Variants in PALMD observed in about 807,000 individuals in gnomAD.
PALMD encodes the protein paralemmin-like protein.
A neutral mutation model predicts 56.2 loss-of-function variants in PALMD; 42 were observed. The observed-to-expected ratio is 0.75, with a 90% CI of 0.58 to 0.97. The LOEUF is 0.97. PALMD is among the 50% of genes least tolerant of loss of function. The pLI is 0.00. For missense variants in PALMD, 660 were observed against 643.8 expected (o/e 1.03, Z -0.27); for synonymous variants, 242 against 222.9 (o/e 1.09, Z -0.76).
chr1:99,666,156 T>C (rs1409241421), intron 2 of PALMD, among the ~76,000 whole-genome samples: 1 of 152,136 alleles, frequency 6.6e-6, no homozygotes, highest in South Asian at 2.1e-4. Context: ...ACTTCTTCAA[T>C]TAGAGCAGTC....
Position 99,687,196 on chromosome 1 carries a change from G to A in PALMD, c.514+7G>A. On this transcript the variant is annotated splice_region_variant and intron_variant, in intron 6 of 7. Coordinates refer to ENST00000263174, the MANE Select transcript of PALMD (RefSeq NM_017734.5). ...GATGAACAAAATAGGAAAGGTATATGAGAAATCTGTGTTGAAGGGCATGTT... is the reference window on the plus strand; with the variant it reads ...GATGAACAAAATAGGAAAGGTATATAAGAAATCTGTGTTGAAGGGCATGTT... The A allele has an allele frequency of 6.3e-7, 1 of 1,592,454 alleles. No individual in the cohort carries two copies. The highest frequency in any genetic ancestry group is 8.5e-7 in the Non-Finnish European group (1 of 1,170,974).
chr1:99,682,629 A>T (rs1277640754), intron 3 of PALMD, among the ~76,000 whole-genome samples: 1 of 152,080 alleles, frequency 6.6e-6, no homozygotes, highest in Non-Finnish European at 1.5e-5. Flanking sequence ...ACACCAGTGC[A>T]TTTCAAAATT....
At chr1:99,688,675 C>T (rs1487032977) in intron 6 of PALMD, 100 bp from the exon 7 acceptor site, 3 of 740,290 alleles carry the variant, frequency 4.1e-6, no homozygotes, top group East Asian at 5.1e-5. Flanking sequence ...CATACAAGAA[C>T]ATGAAGGGTC....
chr1:99,676,269 T>C (rs755995367), intron 3 of PALMD, among the ~76,000 whole-genome samples: 1 of 152,186 alleles, frequency 6.6e-6, no homozygotes, highest in Non-Finnish European at 1.5e-5. Flanking sequence ...CCTTTGACAA[T>C]GGCTGGTTCT....
intron 2 of PALMD, among the ~76,000 whole-genome samples, chr1:99,666,915 T>C (rs890357591): frequency 1.2e-4 from 19 of 152,324 alleles, no homozygotes; most frequent in African/African-American, 2.2e-4. Flanking sequence ...TTTTTCCATC[T>C]GGTGAAATGT....
In PALMD at chr1:99,689,838, A is replaced by T; in HGVS notation, c.1578A>T (p.Thr526=). 1 of 1,611,896 alleles carries T rather than the reference A, an allele frequency of 6.2e-7. No homozygotes were observed. The change falls in exon 7 of 8, where the codon ACA becomes ACT. Residue 526 remains threonine (T), a synonymous_variant. Coordinates refer to ENST00000263174, the MANE Select transcript of PALMD (RefSeq NM_017734.5). ...ACCATTCCCCATTTGATGCTCAGAC[A>T]ACTGGAGATGGGACTGAGGATCCAT... ...PVHHSPFDAQ[T]TGDGTEDPSL...
At chr1:99,647,178 T>A (rs1652460183) in intron 1 of PALMD, among the ~76,000 whole-genome samples, 1 of 152,220 alleles carries the variant, frequency 6.6e-6, no homozygotes, top group Non-Finnish European at 1.5e-5. Context: ...CAATCATTTA[T>A]CCCTAGCTAT....
intron 1 of PALMD, among the ~76,000 whole-genome samples, chr1:99,656,854 T>C (rs1193355115): frequency 1.3e-5 from 2 of 152,200 alleles, no homozygotes; most frequent in African/African-American, 4.8e-5. Flanking sequence ...AAATGAAGCA[T>C]TTGGACCGTA....
chr1:99,692,734 G>C (rs891554018), intron 7 of PALMD, among the ~76,000 whole-genome samples: 10 of 152,180 alleles, frequency 6.6e-5, no homozygotes, highest in Non-Finnish European at 1.3e-4. Context: ...GTTGGTAGGG[G>C]CAAGATAGAG....
At chr1:99,661,936 A>AGGGTG in intron 1 of PALMD, among the ~76,000 whole-genome samples, 1 of 152,258 alleles carries the variant, frequency 6.6e-6, no homozygotes, top group Non-Finnish European at 1.5e-5. Context: ...AGGCTTCTTC[A>AGGGTG]ACCTTGGACC....
In PALMD at chr1:99,689,766, T is replaced by C. The variant is rs149209360; in HGVS notation, c.1506T>C (p.Asn502=). ...CAAATCATAAATCCCCCCACAAAAA[T>C]TCCATATCTCTGAAAGAGCAAGAAG... ...ENTNHKSPHK[N]SISLKEQEES... is the part of the protein sequence containing the mutation. Residue 502 remains asparagine, a synonymous_variant, in exon 7 of 8, where the codon AAT becomes AAC. Coordinates refer to ENST00000263174, the MANE Select transcript of PALMD (RefSeq NM_017734.5). 1,441 of 1,613,780 alleles carry C rather than the reference T, an allele frequency of 8.9e-4. 7 individuals carry two copies. The African/African-American group carries it at 0.014, about 16-fold the overall frequency.
chr1:99,682,232 TGGAAATTTTA>T (rs992016045), intron 3 of PALMD, among the ~76,000 whole-genome samples: 1 of 152,240 alleles, frequency 6.6e-6, no homozygotes, highest in Non-Finnish European at 1.5e-5. Context: ...TGCATTGAAG[TGGAAATTTTA>T]GGAAATGTTC....
At chr1:99,667,490 GA>G in intron 2 of PALMD, 151 bp from the exon 3 acceptor site, 1 of 698,586 alleles carries the variant, frequency 1.4e-6, no homozygotes, top group Non-Finnish European at 2.5e-6. Flanking sequence ...TACAATGAAA[GA>G]AAATACCAGA....
At chr1:99,686,432 T>TAG (rs1653497298) in intron 3 of PALMD, 2 of 271,112 alleles carry the variant, frequency 7.4e-6, no homozygotes, top group Admixed American at 1.0e-4. Flanking sequence ...GTCAAATGCT[T>TAG]TACCTAATAT....
chr1:99,689,476 G>T lies in PALMD; in HGVS notation c.1216G>T (p.Asp406Tyr). 6.2e-7 allele frequency: 1 copy of T among 1,613,806 alleles called. No individual in the cohort carries two copies. The change falls in exon 7 of 8, where the codon GAC (aspartate) becomes TAC (tyrosine). Residue 406 changes from aspartate (D) to tyrosine (Y), a missense_variant. Physicochemically the swap from Asp to Tyr is radical, Grantham distance 160. Coordinates refer to ENST00000263174, the MANE Select transcript of PALMD (RefSeq NM_017734.5). ...TAATATCGTTCATTCCCTGCCTCCA[G>T]ACATAAATGATACAGAACCGGTGAC... ...RYNIVHSLPPDINDTEPVTMI... is the reference protein window; with the variant it reads ...RYNIVHSLPPYINDTEPVTMI...
intron 3 of PALMD, 112 bp downstream of exon 3, chr1:99,667,878 A>T: frequency 9.6e-7 from 1 of 1,039,534 alleles, no homozygotes; most frequent in Non-Finnish European, 1.4e-6. Context: ...TTCCATTTGA[A>T]TTTCTTTTTT....
Position 99,687,173 on chromosome 1 carries a change from T to A in PALMD, c.498T>A (p.Asp166Glu). Residue 166 changes from aspartate (D) to glutamate (E), a missense_variant, in exon 6 of 8, where the codon GAT (aspartate) becomes GAA (glutamate). Asp to Glu is a conservative substitution (Grantham distance 45, BLOSUM62 2). Coordinates refer to ENST00000263174, the MANE Select transcript of PALMD (RefSeq NM_017734.5). Reference protein sequence around the residue: ...RKEINEEKEDDEQNRKALYAM... With the variant: ...RKEINEEKEDEEQNRKALYAM... ...AGATAAATGAAGAAAAAGAAGATGA[T>A]GAACAAAATAGGAAAGGTATATGAG... The A allele has an allele frequency of 6.2e-7, 1 of 1,602,384 alleles. No individual in the cohort carries two copies.
intron 3 of PALMD, among the ~76,000 whole-genome samples, chr1:99,679,007 G>T (rs1653279882): frequency 6.6e-6 from 1 of 151,906 alleles, no homozygotes; most frequent in African/African-American, 2.4e-5. Context: ...CTTGGGGAAT[G>T]TTGGGGGTGG....
chr1:99,651,687 C>T (rs191687938), intron 1 of PALMD, among the ~76,000 whole-genome samples: 37 of 152,236 alleles, frequency 2.4e-4, no homozygotes, highest in Middle Eastern at 6.8e-3. Context: ...TAAGAAGTTC[C>T]CTTACCCAGA....
Sources: gnomAD v4.1 joint callset for allele counts (sites outside exome capture counted in the v4.1 genomes callset) on GRCh38, gnomAD v4.1.1 for gene constraint, MANE v1.5 for transcripts, NCBI Gene and HGNC (gene_info 2026-07-23, HGNC 2026-07-21) for gene names.